HELZ: variants seen among roughly 807,000 people sequenced by gnomAD.
HELZ encodes the protein ATP-dependent RNA helicase with zinc finger domain.
In HELZ, 23 loss-of-function variants were observed where a neutral mutation model predicts 218.2. The observed-to-expected ratio is 0.11, with a 90% CI of 0.08 to 0.15. The LOEUF (loss-of-function observed/expected upper bound fraction) is 0.15. Ranked by LOEUF, HELZ falls within the 10% of genes least tolerant of loss-of-function variation. The pLI, the probability that HELZ is intolerant of heterozygous loss-of-function variation, is 1.00. For missense variants in HELZ, 1,813 were observed against 2,353.7 expected, an observed-to-expected ratio of 0.77 and a Z score of 4.75; for synonymous variants, 814 against 829.4, an observed-to-expected ratio of 0.98 and a Z score of 0.32.
At position 67,158,589 on chromosome 17, in the gene HELZ, C is replaced by T. The variant is rs571781174; in HGVS notation, c.2177+1672G>A. On this transcript the variant is annotated intron_variant, in intron 17 of 32. Coordinates refer to ENST00000358691, the MANE Select transcript of HELZ (RefSeq NM_014877.4). ...ATTTGGGAAGTCAGGCTTTTTCTTACTTTATTCCATTTACTAAATGAAATC... is the reference window on the plus strand; with the variant it reads ...ATTTGGGAAGTCAGGCTTTTTCTTATTTTATTCCATTTACTAAATGAAATC... 9.9e-5 allele frequency among the ~76,000 whole-genome samples: 15 copies of T among 152,254 alleles called. No individual in the cohort carries two copies. The South Asian group carries it at 2.9e-3, about 29-fold the overall frequency.
chr17:67,132,427 C>CAT (rs1420112077), intron 23 of HELZ, among the ~76,000 whole-genome samples: 1 of 152,184 alleles, frequency 6.6e-6, no homozygotes. Flanking sequence ...TTTATCTGAG[C>CAT]ATATCCATCA....
At chr17:67,137,386 T>C (rs1028591488) in intron 22 of HELZ, among the ~76,000 whole-genome samples, 1 of 152,234 alleles carries the variant, frequency 6.6e-6, no homozygotes, top group Non-Finnish European at 1.5e-5. Flanking sequence ...ACAGTAGAAC[T>C]ATTTTTTGCC....
chr17:67,106,233 G>A (rs1274022032), intron 31 of HELZ, among the ~76,000 whole-genome samples: 5 of 150,268 alleles, frequency 3.3e-5, no homozygotes, highest in South Asian at 2.1e-4. Context: ...TTTATAACCT[G>A]GAATTACTAA....
chr17:67,154,560 T>C (rs1043414760), intron 17 of HELZ, among the ~76,000 whole-genome samples: 1 of 152,206 alleles, frequency 6.6e-6, no homozygotes, highest in Non-Finnish European at 1.5e-5. Context: ...GTAATAAATC[T>C]TGAAAATTGC....
At chr17:67,224,633 G>A in intron 3 of HELZ, 1 of 571,944 alleles carries the variant, frequency 1.7e-6, no homozygotes, top group South Asian at 1.7e-5. Context: ...AAAAATAAGT[G>A]AGCATGGGAG....
chr17:67,073,851 CA>C lies in HELZ; in HGVS notation c.*4400del, dbSNP rs1463698420. 1.3e-5 allele frequency: 2 copies of C among 152,094 alleles called. No homozygotes were observed. Among genetic ancestry groups the C allele is most frequent in the African/African-American group, 4.8e-5 (2 of 41,402 alleles). 9.4% of individuals were successfully genotyped at this position (152,094 alleles called of 1,614,324 possible). ...ATGAAAGTAGAAAGTGTGAATTTAG[CA>C]GCTTTAAAGTCTCAGCTAATAAATG... On this transcript the variant is annotated 3_prime_UTR_variant, in exon 33 of 33. Coordinates refer to ENST00000358691, the MANE Select transcript of HELZ (RefSeq NM_014877.4).
At chr17:67,150,684 T>C (rs2038655780) in intron 18 of HELZ, among the ~76,000 whole-genome samples, 4 of 152,162 alleles carry the variant, frequency 2.6e-5, no homozygotes, top group Admixed American at 2.6e-4. Flanking sequence ...ACTCTCCAAA[T>C]TGGAATTCTT....
rs2036070880 is a variant in HELZ at position 67,078,116 on chromosome 17, G to A, written c.*136C>T. ...AAAAAAATTAGTTGCAAGTCTAGCAGCAAAGCAATTAAGTGAGAACATATT... is the reference window on the plus strand; with the variant it reads ...AAAAAAATTAGTTGCAAGTCTAGCAACAAAGCAATTAAGTGAGAACATATT... On this transcript the variant is annotated 3_prime_UTR_variant, in exon 33 of 33. Transcript: ENST00000358691. 2 of 629,758 alleles carry A rather than the reference G, an allele frequency of 3.2e-6. No individual in the cohort carries two copies. Among genetic ancestry groups the A allele is most frequent in the Non-Finnish European group, 5.4e-6 (2 of 369,948 alleles). The allele number at this position is 629,758 out of a possible 1,614,324, so 39.0% of individuals were successfully genotyped here.
At chr17:67,228,973 C>T (rs538377343) in intron 3 of HELZ, among the ~76,000 whole-genome samples, 8 of 152,210 alleles carry the variant, frequency 5.3e-5, no homozygotes, top group African/African-American at 1.9e-4. Context: ...CCGCCTCGGC[C>T]ACCCAAAGTG....
chr17:67,086,057 T>C (rs1367812293), intron 32 of HELZ, among the ~76,000 whole-genome samples: 1 of 152,206 alleles, frequency 6.6e-6, no homozygotes, highest in African/African-American at 2.4e-5. Flanking sequence ...CTCTATTATA[T>C]AGCAAATTGT....
chr17:67,098,572 T>C (rs1317709099), intron 31 of HELZ, among the ~76,000 whole-genome samples: 2 of 123,974 alleles, frequency 1.6e-5, no homozygotes, highest in African/African-American at 3.0e-5. Context: ...CCGTCTCTAC[T>C]AAAAAAAAAA....
chr17:67,086,979 C>T lies in HELZ; in HGVS notation c.5344G>A (p.Ala1782Thr). The change falls in exon 32 of 33, where the codon GCT (alanine) becomes ACT (threonine). Residue 1782 changes from alanine (A) to threonine (T), a missense_variant. Coordinates refer to ENST00000358691, the MANE Select transcript of HELZ (RefSeq NM_014877.4). ...EEVSTPQDSLAQCKELQDHSN... is the reference protein window; with the variant it reads ...EEVSTPQDSLTQCKELQDHSN... ...TGGTCCTGAAGCTCTTTACACTGAG[C>T]CAGACTGTCTTGAGGAGTGCTTACT... 1 of 1,613,926 alleles carries T rather than the reference C, an allele frequency of 6.2e-7. No homozygotes were observed. The highest frequency in any genetic ancestry group is 8.5e-7 in the Non-Finnish European group (1 of 1,179,990).
At chr17:67,174,201 A>T (rs1486091529) in intron 13 of HELZ, among the ~76,000 whole-genome samples, 1 of 123,170 alleles carries the variant, frequency 8.1e-6, no homozygotes, top group African/African-American at 4.4e-5. Context: ...TCATCCTTTA[A>T]AAAAAAAAAA....
rs148446384 is a variant in HELZ at position 67,147,168 on chromosome 17, T to C, written c.2622-1278A>G. 6.3e-4 allele frequency among the ~76,000 whole-genome samples: 96 copies of C among 152,320 alleles called. 2 individuals are homozygous for C. In the South Asian group the frequency reaches 0.014, roughly 22 times the overall value. ...TTATTACAGCATGTAGCTTTTCATA[T>C]AGATTATATATTTAGTCACAGAAAA... On this transcript the variant is annotated intron_variant, in intron 20 of 32. Transcript: ENST00000358691.
chr17:67,191,300 G>C (rs750809430), intron 9 of HELZ, among the ~76,000 whole-genome samples: 3 of 152,004 alleles, frequency 2.0e-5, no homozygotes, highest in Non-Finnish European at 2.9e-5. Flanking sequence ...ATATTACAGA[G>C]TCACAAATTT....
At chr17:67,211,476 CATT>C (rs987222686) in intron 5 of HELZ, among the ~76,000 whole-genome samples, 6 of 152,116 alleles carry the variant, frequency 3.9e-5, no homozygotes, top group African/African-American at 1.4e-4. Flanking sequence ...TATGGCAAAA[CATT>C]AGTTGTTCAA....
chr17:67,175,926 A>G (rs1028893610), intron 13 of HELZ, among the ~76,000 whole-genome samples: 1 of 152,218 alleles, frequency 6.6e-6, no homozygotes, highest in African/African-American at 2.4e-5. Context: ...AACTTTAAAG[A>G]TTAAAAAAAC....
At chr17:67,165,458 C>T (rs572559713) in intron 15 of HELZ, among the ~76,000 whole-genome samples, 1 of 152,290 alleles carries the variant, frequency 6.6e-6, no homozygotes, top group South Asian at 2.1e-4. Flanking sequence ...AAACCACTTA[C>T]TAAAGATCCC....
At chr17:67,159,312 C>T (rs946527335) in intron 17 of HELZ, among the ~76,000 whole-genome samples, 2 of 151,594 alleles carry the variant, frequency 1.3e-5, no homozygotes, top group South Asian at 2.1e-4. Flanking sequence ...CATAAAAACC[C>T]GTGTTAATGG....
Sources: gnomAD v4.1 joint callset for allele counts (sites outside exome capture counted in the v4.1 genomes callset) on GRCh38, gnomAD v4.1.1 for gene constraint, MANE v1.5 for transcripts, NCBI Gene and HGNC (gene_info 2026-07-23, HGNC 2026-07-21) for gene names.